KIF5A: variants seen among roughly 807,000 people sequenced by gnomAD.
KIF5A encodes kinesin heavy chain isoform 5A.
In KIF5A, 35 loss-of-function variants were observed where a neutral mutation model predicts 141.3. That is an observed-to-expected ratio of 0.25 (90% CI 0.19 to 0.33). The LOEUF (loss-of-function observed/expected upper bound fraction) is 0.33. KIF5A is among the 10% of genes least tolerant of loss of function. KIF5A has a pLI of 1.00. For synonymous variants in KIF5A, 448 were observed against 500.2 expected, an observed-to-expected ratio of 0.90 and a Z score of 1.39; for missense variants, 861 against 1,314.3, an observed-to-expected ratio of 0.66 and a Z score of 5.33.
intron 27 of KIF5A, 82 bp downstream of exon 27, chr12:57,582,711 G>T: frequency 8.6e-7 from 1 of 1,167,206 alleles, no homozygotes; most frequent in Non-Finnish European, 1.3e-6. Flanking sequence ...CCACTTGGAG[G>T]TTCCTGGAGC....
Position 57,578,026 on chromosome 12 carries a change from C to A in KIF5A, c.2379C>A (p.Thr793=), listed in dbSNP as rs1882479197. The A allele has an allele frequency of 6.2e-7, 1 of 1,614,006 alleles. No individual in the cohort carries two copies. The highest frequency in any genetic ancestry group is 8.5e-7 in the Non-Finnish European group (1 of 1,179,970). The change falls in exon 22 of 29, where the codon ACC becomes ACA. Residue 793 remains threonine (T), a synonymous_variant. Coordinates refer to ENST00000455537, the MANE Select transcript of KIF5A (RefSeq NM_004984.4). ...CTTTCCAGGCCCGGGAACTCCAGAC[C>A]CTCCACAACCTTCGCAAGCTGTTCG... ...LEETVARELQ[T]LHNLRKLFVQ...
intron 6 of KIF5A, among the ~76,000 whole-genome samples, chr12:57,566,265 CA>C (rs1882062090): frequency 4.6e-5 from 7 of 151,042 alleles, no homozygotes; most frequent in African/African-American, 1.7e-4. Context: ...CCACCAGGCC[CA>C]CTTATTTTTG....
intron 2 of KIF5A, 28 bp from the exon 3 acceptor site, chr12:57,563,592 A>G (rs1368181269): frequency 6.2e-7 from 1 of 1,612,498 alleles, no homozygotes; most frequent in Non-Finnish European, 8.5e-7. Context: ...TATCTCCACC[A>G]GTACTCTTTC....
In KIF5A at chr12:57,582,603, A is replaced by G. The variant is rs750415265; in HGVS notation, c.2994A>G (p.Gly998=). ...ASYQKANMDN[G]NATDINDNRS... is the part of the protein sequence containing the mutation. The stretch of plus-strand genomic sequence containing the variant: ...TGTTCTCAATGATGATCTCTTCAGG[A>G]AATGCCACAGATATCAATGACAATA... Residue 998 remains glycine, a splice_region_variant and synonymous_variant, in exon 27 of 29, where the codon GGA becomes GGG. Transcript: ENST00000455537. The G allele has an allele frequency of 3.1e-6, 5 of 1,611,458 alleles. No individual in the cohort carries two copies. The highest frequency in any genetic ancestry group is 4.2e-6 in the Non-Finnish European group (5 of 1,177,634).
rs948053969 is a variant in KIF5A at position 57,576,355 on chromosome 12, G to C, written c.2175G>C (p.Gln725His). ...TCCGGGACGAGATCAACGAGAAGCA[G>C]AAGACCATTGATGAGCTCAAAGAGT... ...ARLRDEINEK[Q>H]KTIDELKDLN... Residue 725 changes from glutamine (Q) to histidine (H), a missense_variant, in exon 19 of 29, where the codon CAG becomes CAC. By Grantham distance (24) the Gln-to-His change is conservative. This residue lies in a region of KIF5A where 482 missense variants were observed against 661.3 expected (regional missense o/e 0.73). Coordinates refer to ENST00000455537, the MANE Select transcript of KIF5A (RefSeq NM_004984.4). The C allele has an allele frequency of 1.5e-5, 25 of 1,613,850 alleles. No homozygotes were observed. Among genetic ancestry groups the C allele is most frequent in the Non-Finnish European group, 1.9e-5 (23 of 1,179,876 alleles).
intron 20 of KIF5A, 90 bp from the exon 21 acceptor site, chr12:57,577,623 C>CTTAAATGGAGATAAAAGTAAATACT (rs1216927644): frequency 4.1e-6 from 4 of 972,358 alleles, no homozygotes; most frequent in Non-Finnish European, 4.9e-6. Context: ...AATAGTAATA[C>CTTAAATGGAGATAAAAGTAAATACT]TTAAATGGAG....
rs766570565 is a variant in KIF5A, at chr12:57,550,429, G to A, written c.129+29G>A. The stretch of plus-strand genomic sequence containing the variant: ...AGTGTCGCCCAGGAGGGAATTCGGG[G>A]AGGGGGCAGGTGGCTGAATCTCCCC... On this transcript the variant is annotated intron_variant, in intron 1 of 28. Transcript: ENST00000455537. The surrounding 1 kb of genome is among the most constrained non-coding windows in gnomAD (Gnocchi z 4.6). 6.2e-6 allele frequency: 10 copies of A among 1,613,106 alleles called. No homozygotes were observed. The highest frequency in any genetic ancestry group is 2.2e-5 in the South Asian group (2 of 91,060).
chr12:57,572,192 T>C lies in KIF5A; in HGVS notation c.1494T>C (p.Tyr498=). The C allele has an allele frequency of 6.2e-7, 1 of 1,613,542 alleles. No individual in the cohort carries two copies. Among genetic ancestry groups the C allele is most frequent in the Non-Finnish European group, 8.5e-7 (1 of 1,179,754 alleles). Residue 498 remains tyrosine, a synonymous_variant, in exon 14 of 29, where the codon TAT becomes TAC. Transcript: ENST00000455537. The surrounding 1 kb of genome is among the most constrained non-coding windows in gnomAD (Gnocchi z 4.2). ...LQALEELAVN[Y]DQKSQEVEEK... is the part of the protein sequence containing the mutation. ...CCCTGGAGGAGCTGGCTGTGAACTA[T>C]GACCAGAAGTCCCAGGAGGTGGAGG...
intron 1 of KIF5A, among the ~76,000 whole-genome samples, chr12:57,558,930 C>T (rs773765824): frequency 6.6e-6 from 1 of 152,094 alleles, no homozygotes; most frequent in Non-Finnish European, 1.5e-5. Flanking sequence ...GCCCATGCCA[C>T]CACACCTGGC....
intron 15 of KIF5A, among the ~76,000 whole-genome samples, chr12:57,574,036 TG>T (rs1882342508): frequency 1.4e-5 from 2 of 140,360 alleles, no homozygotes; most frequent in South Asian, 2.3e-4. Context: ...TGAGCAGAGA[TG>T]CGGCACTGCA....
chr12:57,560,408 T>A lies in KIF5A; in HGVS notation c.130-3031T>A, dbSNP rs139470417. Among the ~76,000 whole-genome samples, 1,254 of 152,298 alleles carry A rather than the reference T, an allele frequency of 8.2e-3. 17 individuals carry two copies. Among genetic ancestry groups the A allele is most frequent in the African/African-American group, 0.027 (1,115 of 41,568 alleles). On this transcript the variant is annotated intron_variant, in intron 1 of 28. Coordinates refer to ENST00000455537, the MANE Select transcript of KIF5A (RefSeq NM_004984.4). ...GAAGTAGAATTTCTAGATCAATGGA[T>A]ATGTAAAATTTAAGGCTTTTGATTA...
chr12:57,583,319 A>C (rs1712657189), intron 28 of KIF5A, 104 bp downstream of exon 28: 4 of 700,744 alleles, frequency 5.7e-6, no homozygotes, highest in Admixed American at 4.7e-5. Context: ...TTATCACCTC[A>C]AAACTTTAAT....
Position 57,572,792 on chromosome 12 carries a change from C to A in KIF5A, c.1716+66C>A. 6.3e-7 allele frequency: 1 copy of A among 1,585,092 alleles called. No homozygotes were observed. The highest frequency in any genetic ancestry group is 8.7e-7 in the Non-Finnish European group (1 of 1,153,812). On this transcript the variant is annotated intron_variant, in intron 15 of 28. Coordinates refer to ENST00000455537, the MANE Select transcript of KIF5A (RefSeq NM_004984.4). This position sits in a 1 kb window ranked among gnomAD's most constrained non-coding sequence, Gnocchi z 4.2. Reference sequence around the variant, plus strand: ...TAGTGGAAGACGCAAGATGAGCCATCCAGGCCTTCACAGATACTGAGAAAG... The same window carrying A: ...TAGTGGAAGACGCAAGATGAGCCATACAGGCCTTCACAGATACTGAGAAAG...
chr12:57,569,198 G>T lies in KIF5A; in HGVS notation c.820-58G>T, dbSNP rs112870621. 51 of 1,606,526 alleles carry T rather than the reference G, an allele frequency of 3.2e-5. No individual in the cohort carries two copies. In the African/African-American group the frequency reaches 4.7e-4, roughly 15 times the overall value. On this transcript the variant is annotated intron_variant, in intron 9 of 28. Coordinates refer to ENST00000455537, the MANE Select transcript of KIF5A (RefSeq NM_004984.4). ...CCGGGGTGGCACCACTATCCTTTCT[G>T]ATTCCCTGTTGAATTTTATTTGTTT... is the stretch of plus-strand genomic sequence containing the variant.
At chr12:57,581,633 G>C in intron 25 of KIF5A, 65 bp downstream of exon 25, 1 of 1,563,030 alleles carries the variant, frequency 6.4e-7, no homozygotes. Context: ...AAGGCATAGG[G>C]TGGGGGCAGT....
intron 17 of KIF5A, 100 bp from the exon 18 acceptor site, chr12:57,575,987 T>C: frequency 8.8e-7 from 1 of 1,142,384 alleles, no homozygotes; most frequent in Non-Finnish European, 1.3e-6. Flanking sequence ...AACATCCCTG[T>C]GGGTCCATTC....
chr12:57,577,013 ACT>A lies in KIF5A; in HGVS notation c.2300+155_2300+156del, dbSNP rs878978185. 1.1e-4 allele frequency: 71 copies of A among 655,126 alleles called. 1 individual carries two copies. The South Asian group carries it at 1.1e-3, about 10-fold the overall frequency. 40.6% of individuals were successfully genotyped at this position (655,126 alleles called of 1,614,324 possible). ...GGGGTAGGGACGGGACCAAAAGGAC[ACT>A]CTCAGCAAAGACTGCCGTTGAGTAT... On this transcript the variant is annotated intron_variant, in intron 20 of 28. Transcript: ENST00000455537.
chr12:57,552,319 C>A (rs1881603400), intron 1 of KIF5A, among the ~76,000 whole-genome samples: 1 of 152,172 alleles, frequency 6.6e-6, no homozygotes, highest in South Asian at 2.1e-4. Context: ...GTTAGCCCAG[C>A]TAAACAGGAG....
chr12:57,560,370 A>T (rs1414474928), intron 1 of KIF5A, among the ~76,000 whole-genome samples: 1 of 152,212 alleles, frequency 6.6e-6, no homozygotes, highest in Non-Finnish European at 1.5e-5. Context: ...GATTTCCATG[A>T]TATCAATTCT....
Sources: gnomAD v4.1 joint callset for allele counts (sites outside exome capture counted in the v4.1 genomes callset) on GRCh38, gnomAD v4.1.1 for gene constraint, gnomAD v4.1.1 regional missense constraint, Gnocchi (gnomAD v3.1) non-coding constraint, MANE v1.5 for transcripts, NCBI Gene and HGNC (gene_info 2026-07-23, HGNC 2026-07-21) for gene names.